The following SMAP2 variants were observed in gnomAD, a reference collection of about 807,000 sequenced individuals.
SMAP2 encodes small ArfGAP2, also known as stromal membrane-associated protein 2.
SMAP2 carries 25 observed loss-of-function variants against 56.4 expected under a neutral mutation model. The ratio of observed to expected loss-of-function variants is 0.44; its 90% CI spans 0.32 to 0.62. The LOEUF (loss-of-function observed/expected upper bound fraction) is 0.62. Ranked by LOEUF, SMAP2 falls within the 20% of genes least tolerant of loss-of-function variation. The pLI, the probability that SMAP2 is intolerant of heterozygous loss-of-function variation, is 0.04. For missense variants in SMAP2, 388 were observed against 545.6 expected (o/e 0.71, Z 2.88); for synonymous variants, 157 against 181.7 (o/e 0.86, Z 1.09).
In SMAP2 at chr1:40,378,495, T is replaced by C. The variant is rs991146412; in HGVS notation, c.103+4272T>C. ...TATTTATTTACTGGCTTATCTACAA[T>C]TGAGACAGGGTCTCACTATGTTTCT... On this transcript the variant is annotated intron_variant, in intron 1 of 9. Transcript: ENST00000372718. Among the ~76,000 whole-genome samples the C allele has an allele frequency of 2.6e-5, 4 of 152,294 alleles. No individual in the cohort carries two copies. In the East Asian group the frequency reaches 5.8e-4, roughly 22 times the overall value.
At chr1:40,357,385 G>A (rs1332124563) in intron 1 of SMAP2, among the ~76,000 whole-genome samples, 2 of 151,898 alleles carry the variant, frequency 1.3e-5, no homozygotes, top group Non-Finnish European at 2.9e-5. Flanking sequence ...AACCTGGGAG[G>A]CAGAAGTTGC....
chr1:40,406,690 G>C, intron 1 of SMAP2, 46 bp from the exon 2 acceptor site: 1 of 1,568,798 alleles, frequency 6.4e-7, no homozygotes, highest in Non-Finnish European at 8.7e-7. Flanking sequence ...TTTAGGCCTT[G>C]AATGTTGTAA....
At chr1:40,418,064 G>A (rs1285300090) in intron 9 of SMAP2, among the ~76,000 whole-genome samples, 3 of 152,134 alleles carry the variant, frequency 2.0e-5, no homozygotes, top group Admixed American at 6.6e-5. Context: ...CAGTCATGAA[G>A]CAGAAGAAAA....
intron 1 of SMAP2, among the ~76,000 whole-genome samples, chr1:40,397,766 G>A (rs946454497): frequency 2.6e-5 from 4 of 152,116 alleles, no homozygotes; most frequent in African/African-American, 9.7e-5. Context: ...GAAGAACAAA[G>A]CATACCCTGG....
intron 1 of SMAP2, chr1:40,396,899 C>T: frequency 2.1e-6 from 2 of 971,602 alleles, no homozygotes; most frequent in Non-Finnish European, 2.4e-6. Context: ...AGGTAACTGG[C>T]ACTAGATTTG....
chr1:40,345,623 A>AG (rs1644382377), intron 1 of SMAP2, among the ~76,000 whole-genome samples: 1 of 151,668 alleles, frequency 6.6e-6, no homozygotes, highest in Admixed American at 6.6e-5. Flanking sequence ...CATGCACCCA[A>AG]CCTTTTATTT....
At chr1:40,398,469 A>G (rs907194336) in intron 1 of SMAP2, among the ~76,000 whole-genome samples, 3 of 152,212 alleles carry the variant, frequency 2.0e-5, no homozygotes, top group Non-Finnish European at 4.4e-5. Context: ...AAATTACTAT[A>G]TCATGGAGAT....
chr1:40,376,455 A>C (rs1178660721), intron 1 of SMAP2, among the ~76,000 whole-genome samples: 2 of 152,180 alleles, frequency 1.3e-5, no homozygotes, highest in Non-Finnish European at 2.9e-5. Flanking sequence ...TTGTATTAAA[A>C]ATGAGATGAC....
intron 1 of SMAP2, among the ~76,000 whole-genome samples, chr1:40,354,130 G>T (rs978325297): frequency 6.6e-6 from 1 of 151,918 alleles, no homozygotes; most frequent in East Asian, 1.9e-4. Context: ...CTGTTAGTTG[G>T]GTTTCTCTTG....
chr1:40,412,876 A>G lies in SMAP2; in HGVS notation c.403-140A>G, dbSNP rs1447841432. 2.7e-5 allele frequency: 17 copies of G among 624,226 alleles called. No homozygotes were observed. The East Asian group carries it at 5.0e-4, about 18-fold the overall frequency. The allele number at this position is 624,226 out of a possible 1,614,324, so 38.7% of individuals were successfully genotyped here. On this transcript the variant is annotated intron_variant, in intron 4 of 9. Transcript: ENST00000372718. ...CAACTCTCATGCTCCACACCAAGAC[A>G]CCGCCCCCCAAGCTTGTCAGACACT...
rs1415425537 is a variant in SMAP2 at position 40,374,868 on chromosome 1, C to T, written c.103+645C>T. 3.0e-6 allele frequency: 3 copies of T among 985,200 alleles called. No homozygotes were observed. The African/African-American group carries it at 5.2e-5, about 17-fold the overall frequency. The allele number at this position is 985,200 out of a possible 1,614,324, so 61.0% of individuals were successfully genotyped here. On this transcript the variant is annotated intron_variant, in intron 1 of 9. Transcript: ENST00000372718. The surrounding 1 kb of genome is among the most constrained non-coding windows in gnomAD (Gnocchi z 5.9). ...CAGTGCGGATTTCTAGGCAGTGTAG[C>T]CCTGGCTTGTAGAGTGCGTTGGAGG...
At chr1:40,416,411 T>G in intron 8 of SMAP2, 70 bp downstream of exon 8, 1 of 1,533,768 alleles carries the variant, frequency 6.5e-7, no homozygotes, top group South Asian at 1.2e-5. Context: ...GAATTATTTA[T>G]TGTGACAGAG....
chr1:40,353,787 TG>T (rs1329740164), intron 1 of SMAP2, among the ~76,000 whole-genome samples: 1 of 151,826 alleles, frequency 6.6e-6, no homozygotes, highest in Non-Finnish European at 1.5e-5. Context: ...ACAAGTATCT[TG>T]CTATGTTGGC....
At chr1:40,357,470 C>T (rs1252195256) in intron 1 of SMAP2, among the ~76,000 whole-genome samples, 1 of 141,926 alleles carries the variant, frequency 7.0e-6, no homozygotes, top group Non-Finnish European at 1.5e-5. Context: ...CAAACAACAA[C>T]CACAAAAAAA....
upstream of SMAP2, among the ~76,000 whole-genome samples, chr1:40,371,125 A>G (rs1644494666): frequency 6.6e-6 from 1 of 152,102 alleles, no homozygotes; most frequent in Non-Finnish European, 1.5e-5. Context: ...GTGAGCCGAG[A>G]TCGCACCACT....
At chr1:40,414,434 G>A (rs114095736) in intron 6 of SMAP2, among the ~76,000 whole-genome samples, 194 bp downstream of exon 6, 2,875 of 152,314 alleles carry the variant, frequency 0.019, 25 homozygotes, top group African/African-American at 0.026. Context: ...TTTTCAGAGC[G>A]ACAGTGTGGT....
chr1:40,392,570 C>A (rs1473976915), intron 1 of SMAP2, among the ~76,000 whole-genome samples: 1 of 152,164 alleles, frequency 6.6e-6, no homozygotes, highest in Non-Finnish European at 1.5e-5. Flanking sequence ...GAAGCCATGT[C>A]TCATCCACCA....
chr1:40,381,740 A>G (rs74068895), intron 1 of SMAP2, among the ~76,000 whole-genome samples: 596 of 152,246 alleles, frequency 3.9e-3, no homozygotes, highest in African/African-American at 0.013. Context: ...AGCCCATAGT[A>G]TTGTAGGTCC....
intron 1 of SMAP2, among the ~76,000 whole-genome samples, chr1:40,399,693 C>T (rs1644811395): frequency 3.1e-5 from 3 of 97,158 alleles, no homozygotes; most frequent in African/African-American, 9.1e-5. Context: ...GAGAGTAAGA[C>T]CCTGTCTCAA....
Sources: gnomAD v4.1 joint callset for allele counts (sites outside exome capture counted in the v4.1 genomes callset) on GRCh38, gnomAD v4.1.1 for gene constraint, Gnocchi (gnomAD v3.1) non-coding constraint, MANE v1.5 for transcripts, NCBI Gene and HGNC (gene_info 2026-07-23, HGNC 2026-07-21) for gene names.